Variants in NAA25 observed in about 807,000 individuals in gnomAD.
NAA25 encodes N-terminal acetyltransferase B complex subunit NAA25.
Under a neutral mutation model 132.5 loss-of-function variants are expected in NAA25, and 30 were observed. The observed-to-expected ratio is 0.23, with a 90% CI of 0.17 to 0.31. NAA25 has a LOEUF of 0.31. Ranked by LOEUF, NAA25 falls within the 10% of genes least tolerant of loss-of-function variation. The pLI, the probability that NAA25 is intolerant of heterozygous loss-of-function variation, is 1.00. For missense variants in NAA25, 771 were observed against 1,150.4 expected (o/e 0.67, Z 4.77); for synonymous variants, 359 against 401.9 (o/e 0.89, Z 1.28).
chr12:112,072,680 T>C (rs2078831857), intron 9 of NAA25, among the ~76,000 whole-genome samples: 1 of 151,716 alleles, frequency 6.6e-6, no homozygotes, highest in African/African-American at 2.4e-5. Context: ...GGCTCACACC[T>C]AAAATCCCAG....
At chr12:112,079,210 A>T (rs1280090932) in intron 5 of NAA25, among the ~76,000 whole-genome samples, 1 of 152,224 alleles carries the variant, frequency 6.6e-6, no homozygotes, top group Non-Finnish European at 1.5e-5. Flanking sequence ...AATAAAGTTA[A>T]TAACACCAGA....
intron 12 of NAA25, among the ~76,000 whole-genome samples, chr12:112,060,579 C>T (rs1191436545): frequency 6.6e-6 from 1 of 152,092 alleles, no homozygotes; most frequent in Admixed American, 6.6e-5. Context: ...GGTTCCAGAG[C>T]AGAGGTGGTA....
intron 11 of NAA25, among the ~76,000 whole-genome samples, chr12:112,062,123 G>A (rs2136862335): frequency 6.6e-6 from 1 of 152,260 alleles, no homozygotes; most frequent in East Asian, 1.9e-4. Context: ...GAGGCTGGGT[G>A]CAGTGGCTCA....
In NAA25 at chr12:112,093,836, C is replaced by T. The variant is rs553330183; in HGVS notation, c.59-700G>A. On this transcript the variant is annotated intron_variant, in intron 1 of 23. Coordinates refer to ENST00000261745, the MANE Select transcript of NAA25 (RefSeq NM_024953.4). ...TTGAGGCTACAGTGTGAGCCACGGT[C>T]GTGCCACTGCACTCCAGTTTGGGCA... Among the ~76,000 whole-genome samples the T allele has an allele frequency of 1.1e-4, 16 of 152,146 alleles. No homozygotes were observed. In the South Asian group the frequency reaches 2.7e-3, roughly 26 times the overall value.
At chr12:112,099,956 G>A (rs891371776) in intron 1 of NAA25, among the ~76,000 whole-genome samples, 1 of 152,178 alleles carries the variant, frequency 6.6e-6, no homozygotes, top group Non-Finnish European at 1.5e-5. Flanking sequence ...ATAGAAGAGA[G>A]CTCCATCTTT....
intron 11 of NAA25, among the ~76,000 whole-genome samples, chr12:112,066,046 G>A (rs957323045): frequency 2.0e-5 from 3 of 152,146 alleles, no homozygotes; most frequent in Non-Finnish European, 4.4e-5. Flanking sequence ...AGTGACTAGA[G>A]CTTATCACTG....
At chr12:112,074,261 C>T (rs1481829566) in intron 9 of NAA25, among the ~76,000 whole-genome samples, 2 of 142,596 alleles carry the variant, frequency 1.4e-5, no homozygotes, top group African/African-American at 5.2e-5. Flanking sequence ...GAATCGCTTG[C>T]TTCTGGGAGG....
rs1220449307 is a variant in NAA25, at chr12:112,029,346, T to C, written c.*185A>G. ...ACCCAGATGAGGGTCCCGCTTCTGG[T>C]TTATATACAATAATTTAATCAGTTG... is the stretch of plus-strand genomic sequence containing the variant. On this transcript the variant is annotated 3_prime_UTR_variant, in exon 24 of 24. Coordinates refer to ENST00000261745, the MANE Select transcript of NAA25 (RefSeq NM_024953.4). 3 of 920,578 alleles carry C rather than the reference T, an allele frequency of 3.3e-6. No homozygotes were observed. The highest frequency in any genetic ancestry group is 4.7e-6 in the Non-Finnish European group (3 of 637,430). 57.0% of individuals were successfully genotyped at this position (920,578 alleles called of 1,614,324 possible).
intron 1 of NAA25, among the ~76,000 whole-genome samples, chr12:112,097,059 T>C (rs1593836874): frequency 6.6e-6 from 1 of 152,002 alleles, no homozygotes; most frequent in African/African-American, 2.4e-5. Context: ...GCTGAAGGGG[T>C]AGGACTAGAT....
chr12:112,105,366 G>A (rs2079347951), intron 1 of NAA25, among the ~76,000 whole-genome samples: 1 of 152,152 alleles, frequency 6.6e-6, no homozygotes, highest in African/African-American at 2.4e-5. Flanking sequence ...TACAAAATCT[G>A]CTGGGAACTA....
At chr12:112,093,242 T>C (rs2079162643) in intron 1 of NAA25, 106 bp from the exon 2 acceptor site, 2 of 700,694 alleles carry the variant, frequency 2.9e-6, no homozygotes, top group South Asian at 1.7e-5. Context: ...TAATTTGCTA[T>C]ATAAAACATC....
chr12:112,104,408 A>G (rs559144246), intron 1 of NAA25, among the ~76,000 whole-genome samples: 56 of 152,026 alleles, frequency 3.7e-4, no homozygotes, highest in Non-Finnish European at 7.1e-4. Flanking sequence ...AACAAAAAAG[A>G]AAAAAAAGAA....
intron 1 of NAA25, among the ~76,000 whole-genome samples, chr12:112,102,690 G>GC (rs1243179311): frequency 5.6e-5 from 7 of 126,088 alleles, no homozygotes; most frequent in Admixed American, 1.7e-4. Context: ...CACACTAGCT[G>GC]CCCCCCCGCC....
rs2078434905 is a variant in NAA25 at position 112,049,752 on chromosome 12, G to A, written c.1729-1309C>T. On this transcript the variant is annotated intron_variant, in intron 15 of 23. Transcript: ENST00000261745. This position sits in a 1 kb window ranked among gnomAD's most constrained non-coding sequence, Gnocchi z 4.7. ...GGACAGTGATACACCCTATCAAGAG[G>A]AGGCCAGGATACTCTAAACACATAT... The A allele has an allele frequency of 1.9e-6, 1 of 527,478 alleles. No homozygotes were observed. Among genetic ancestry groups the A allele is most frequent in the Non-Finnish European group, 2.4e-6 (1 of 411,814 alleles). 32.7% of individuals were successfully genotyped at this position (527,478 alleles called of 1,614,324 possible).
intron 1 of NAA25, among the ~76,000 whole-genome samples, chr12:112,095,988 T>G (rs546341686): frequency 9.2e-5 from 14 of 152,304 alleles, no homozygotes; most frequent in African/African-American, 3.4e-4. Flanking sequence ...AATTAACAAT[T>G]ATGTATCATG....
chr12:112,032,776 C>T (rs2078166795), intron 23 of NAA25, among the ~76,000 whole-genome samples: 2 of 152,172 alleles, frequency 1.3e-5, no homozygotes, highest in African/African-American at 4.8e-5. Flanking sequence ...TGATTCCATA[C>T]TTGGTTTCAT....
chr12:112,038,824 C>A (rs1201521966), intron 22 of NAA25, among the ~76,000 whole-genome samples: 1 of 152,012 alleles, frequency 6.6e-6, no homozygotes, highest in Non-Finnish European at 1.5e-5. Flanking sequence ...TACTAAAATA[C>A]AAAAATTAGC....
chr12:112,074,891 C>T (rs368849858), intron 8 of NAA25, 127 bp from the exon 9 acceptor site: 22 of 558,130 alleles, frequency 3.9e-5, no homozygotes, highest in African/African-American at 2.9e-4. Context: ...CTTACCCCCA[C>T]CCACTCCATG....
chr12:112,067,096 A>T (rs1297271613), intron 11 of NAA25, among the ~76,000 whole-genome samples: 1 of 152,166 alleles, frequency 6.6e-6, no homozygotes, highest in Non-Finnish European at 1.5e-5. Flanking sequence ...GCTACTTGGG[A>T]GGCTGAGGCA....
Sources: allele counts gnomAD v4.1 joint callset (sites outside exome capture counted in the v4.1 genomes callset), GRCh38; gene constraint gnomAD v4.1.1; non-coding constraint Gnocchi (gnomAD v3.1); transcripts MANE v1.5; gene names NCBI Gene and HGNC (gene_info 2026-07-23, HGNC 2026-07-21).